The following RADIL variants were observed in gnomAD, a reference collection of about 807,000 sequenced individuals.
The protein encoded by RADIL is Rap associating with DIL domain, also known as ras-associating and dilute domain-containing protein.
RADIL carries 99 observed loss-of-function variants against 97.6 expected under a neutral mutation model. The observed-to-expected ratio is 1.01, with a 90% CI of 0.86 to 1.20. The LOEUF (loss-of-function observed/expected upper bound fraction) is 1.20. Ranked by LOEUF, RADIL falls within the 50% of genes most tolerant of loss-of-function variation. The pLI is 0.00. For synonymous variants in RADIL, 803 were observed against 691.8 expected (o/e 1.16, Z -2.52); for missense variants, 1,765 against 1,498.9 (o/e 1.18, Z -2.93).
In RADIL at chr7:4,817,218, A is replaced by G. The variant is rs759453924; in HGVS notation, c.1728+21T>C. ...GATCCCAGGAGCTGCCTGAGTGCAG[A>G]AGCAGAGCCCGTCCGTGCACCTTGG... On this transcript the variant is annotated intron_variant, in intron 7 of 14. Coordinates refer to ENST00000399583, the MANE Select transcript of RADIL (RefSeq NM_018059.5). The surrounding 1 kb of genome is among the most constrained non-coding windows in gnomAD (Gnocchi z 8.3). The G allele has an allele frequency of 2.5e-6, 4 of 1,595,310 alleles. No homozygotes were observed. The Admixed American group carries it at 6.8e-5, about 27-fold the overall frequency.
rs146581667 is a variant in RADIL at position 4,840,852 on chromosome 7, G to A, written c.536-4247C>T. ...CGTGGAGGTGGGCGCCTGTAGTCCC[G>A]GCTACTCGAGAGGCTGAGGCAGGAG... is the stretch of plus-strand genomic sequence containing the variant. On this transcript the variant is annotated intron_variant, in intron 2 of 14. Coordinates refer to ENST00000399583, the MANE Select transcript of RADIL (RefSeq NM_018059.5). The surrounding 1 kb of genome is among the most constrained non-coding windows in gnomAD (Gnocchi z 5.6). Among the ~76,000 whole-genome samples, 3,070 of 152,110 alleles carry A rather than the reference G, an allele frequency of 0.02. 37 individuals carry two copies. The highest frequency in any genetic ancestry group is 0.027 in the Middle Eastern group (8 of 294).
chr7:4,808,743 T>A, intron 9 of RADIL: 1 of 923,308 alleles, frequency 1.1e-6, no homozygotes, highest in Non-Finnish European at 1.2e-6. Context: ...CCTCCGCGTC[T>A]CCTTCCAACG....
chr7:4,827,468 T>C (rs1260245847), intron 5 of RADIL, among the ~76,000 whole-genome samples: 2 of 151,148 alleles, frequency 1.3e-5, no homozygotes, highest in African/African-American at 4.9e-5. Flanking sequence ...AAGACCATCC[T>C]GGCTAACACA....
rs960868192 is a variant in RADIL, at chr7:4,873,751, G to C, written c.535+3854C>G. 6.6e-6 allele frequency among the ~76,000 whole-genome samples: 1 copy of C among 152,252 alleles called. No individual in the cohort carries two copies. Among genetic ancestry groups the C allele is most frequent in the African/African-American group, 2.4e-5 (1 of 41,468 alleles). ...CACAGCAGCCCCATCGGTGCCCAGG[G>C]AGGCGCAGGACAGGCGGGCTGCTGG... is the stretch of plus-strand genomic sequence containing the variant. On this transcript the variant is annotated intron_variant, in intron 2 of 14. Coordinates refer to ENST00000399583, the MANE Select transcript of RADIL (RefSeq NM_018059.5). The surrounding 1 kb of genome is among the most constrained non-coding windows in gnomAD (Gnocchi z 4.3).
At chr7:4,809,690 T>C in intron 9 of RADIL, 2 of 936,116 alleles carry the variant, frequency 2.1e-6, no homozygotes, top group Non-Finnish European at 2.5e-6. Flanking sequence ...TTTATTTAAT[T>C]GATTTATTTA....
At position 4,797,173 on chromosome 7, in the gene RADIL, G is replaced by A. The variant is rs1583250317; in HGVS notation, c.*2205C>T. On this transcript the variant is annotated 3_prime_UTR_variant, in exon 15 of 15. Transcript: ENST00000399583. ...CTGGAAGCTCAGCAAGACCAGAACA[G>A]CCAGTGGCAGCCCTCACCAGTCCCG... 1.3e-5 allele frequency: 2 copies of A among 152,264 alleles called. No homozygotes were observed. The highest frequency in any genetic ancestry group is 2.9e-5 in the Non-Finnish European group (2 of 68,064). The allele number at this position is 152,264 out of a possible 1,614,324, so 9.4% of individuals were successfully genotyped here.
At chr7:4,874,140 C>G (rs1307429168) in intron 2 of RADIL, among the ~76,000 whole-genome samples, 1 of 152,244 alleles carries the variant, frequency 6.6e-6, no homozygotes, top group African/African-American at 2.4e-5. Flanking sequence ...GCCTCCAACC[C>G]ACGGAAAGGC....
rs763372778 is a variant in RADIL, at chr7:4,815,443, G to A, written c.1974C>T (p.Ser658=). The change falls in exon 9 of 15, where the codon TCC becomes TCT. Residue 658 remains serine, a synonymous_variant. Transcript: ENST00000399583. This position sits in a 1 kb window ranked among gnomAD's most constrained non-coding sequence, Gnocchi z 8.0. ...CTCTGGGCCAGTGGAAGCAGCTCAG[G>A]GAGGGGCCTGTGGAGGGAAGAAGGG... ...LLNQLLDRGP[S]LSCFHWPRGV... The A allele has an allele frequency of 4.9e-5, 75 of 1,522,086 alleles. No individual in the cohort carries two copies. In the Admixed American group the frequency reaches 1.6e-3, roughly 33 times the overall value. The allele number at this position is 1,522,086 out of a possible 1,614,324, so 94.3% of individuals were successfully genotyped here. A position where few individuals can be genotyped will look rare whatever the true frequency, so the allele number is the denominator to read the frequency against.
At chr7:4,881,041 A>G (rs1784472875) in intron 1 of RADIL, among the ~76,000 whole-genome samples, 1 of 142,860 alleles carries the variant, frequency 7.0e-6, no homozygotes, top group South Asian at 2.3e-4. Context: ...TCCAGGCTAC[A>G]GTGAGCTATG....
rs1181320143 is a variant in RADIL, at chr7:4,801,639, C to G, written c.2842+14G>C. The G allele has an allele frequency of 6.3e-7, 1 of 1,582,788 alleles. No individual in the cohort carries two copies. The highest frequency in any genetic ancestry group is 1.8e-5 in the Admixed American group (1 of 56,004). ...CTGGGGTGGGTTCCCGCCTGAGCAC[C>G]AGGCAGGGCTCACCTTCCGGAGCTG... On this transcript the variant is annotated intron_variant, in intron 12 of 14. Coordinates refer to ENST00000399583, the MANE Select transcript of RADIL (RefSeq NM_018059.5).
chr7:4,872,104 G>A lies in RADIL; in HGVS notation c.535+5501C>T, dbSNP rs946931827. ...AATGTCGCCACTGTGGATCAGGCCT[G>A]AGGGCCTGGGGCAGGTACTCAGCCA... On this transcript the variant is annotated intron_variant, in intron 2 of 14. Transcript: ENST00000399583. The surrounding 1 kb of genome is among the most constrained non-coding windows in gnomAD (Gnocchi z 5.8). Among the ~76,000 whole-genome samples the A allele has an allele frequency of 1.3e-5, 2 of 152,142 alleles. No individual in the cohort carries two copies. The highest frequency in any genetic ancestry group is 2.9e-5 in the Non-Finnish European group (2 of 68,020).
intron 2 of RADIL, chr7:4,860,725 G>C: frequency 6.2e-7 from 1 of 1,614,118 alleles, no homozygotes. Context: ...GAGCTTCAAA[G>C]AGTTTGGACC....
intron 10 of RADIL, chr7:4,805,307 T>A: frequency 2.3e-6 from 1 of 428,816 alleles, no homozygotes; most frequent in Non-Finnish European, 4.1e-6. Flanking sequence ...CGAGGGGGCC[T>A]TGGACCTGAG....
rs776753560 is a variant in RADIL, at chr7:4,803,680, C to G, written c.2365G>C (p.Ala789Pro). Reference protein sequence around the residue: ...PSDGFQVDLEANCLDDSIYQH... With the variant: ...PSDGFQVDLEPNCLDDSIYQH... The stretch of plus-strand genomic sequence containing the variant: ...TAGATGCTGTCGTCCAGGCAGTTGG[C>G]TTCCAAGTCCACCTGGAAGCCGTCG... The change falls in exon 11 of 15, where the codon GCC (alanine) becomes CCC (proline). Residue 789 changes from alanine (A) to proline (P), a missense_variant. Physicochemically the swap from Ala to Pro is conservative, Grantham distance 27. Coordinates refer to ENST00000399583, the MANE Select transcript of RADIL (RefSeq NM_018059.5). 37 of 1,557,870 alleles carry G rather than the reference C, an allele frequency of 2.4e-5. No individual in the cohort carries two copies. In the South Asian group the frequency reaches 4.0e-4, roughly 17 times the overall value.
Position 4,799,781 on chromosome 7 carries a change from C to CA in RADIL, c.2983-13dup, listed in dbSNP as rs1293319232. ...CCCAGGTGCGTGTGCTGGGGACAAG[C>CA]AGAGGCCTCAGAGCTCCGCAGGCCC... is the stretch of plus-strand genomic sequence containing the variant. On this transcript the variant is annotated splice_polypyrimidine_tract_variant and intron_variant, in intron 13 of 14. Coordinates refer to ENST00000399583, the MANE Select transcript of RADIL (RefSeq NM_018059.5). 1.7e-5 allele frequency: 26 copies of CA among 1,507,882 alleles called. No homozygotes were observed. The East Asian group carries it at 5.9e-4, about 34-fold the overall frequency. 93.4% of individuals were successfully genotyped at this position (1,507,882 alleles called of 1,614,324 possible). A position where few individuals can be genotyped will look rare whatever the true frequency, so the allele number is the denominator to read the frequency against.
rs1273009527 is a variant in RADIL at position 4,879,860 on chromosome 7, C to T, written c.-64-1657G>A. Among the ~76,000 whole-genome samples, 4 of 152,176 alleles carry T rather than the reference C, an allele frequency of 2.6e-5. No homozygotes were observed. The highest frequency in any genetic ancestry group is 3.9e-4 in the East Asian group (2 of 5,190). ...ATCTTCTCTGGAGCCTCTCACTGCC[C>T]GCCAGAGCTGTCATGGGTGAGTCCT... On this transcript the variant is annotated intron_variant, in intron 1 of 14. Coordinates refer to ENST00000399583, the MANE Select transcript of RADIL (RefSeq NM_018059.5). This position sits in a 1 kb window ranked among gnomAD's most constrained non-coding sequence, Gnocchi z 4.1.
At chr7:4,823,276 CAAAACGCCGTCTCT>C (rs1439646312) in intron 5 of RADIL, among the ~76,000 whole-genome samples, 2 of 150,528 alleles carry the variant, frequency 1.3e-5, no homozygotes, top group African/African-American at 4.9e-5. Flanking sequence ...GCCAACATGG[CAAAACGCCGTCTCT>C]ACTAAAAATA....
intron 5 of RADIL, 48 bp downstream of exon 5, chr7:4,832,093 C>T (rs1466048693): frequency 6.2e-7 from 1 of 1,602,646 alleles, no homozygotes; most frequent in South Asian, 1.1e-5. Flanking sequence ...GTGTGAGCCC[C>T]CAGGACCTGC....
At chr7:4,808,754 C>T in intron 9 of RADIL, 2 of 974,626 alleles carry the variant, frequency 2.1e-6, no homozygotes, top group Non-Finnish European at 2.4e-6. Context: ...CCTTCCAACG[C>T]CACTGCCCCC....
Sources: allele counts gnomAD v4.1 joint callset (sites outside exome capture counted in the v4.1 genomes callset), GRCh38; gene constraint gnomAD v4.1.1; non-coding constraint Gnocchi (gnomAD v3.1); transcripts MANE v1.5; gene names NCBI Gene and HGNC (gene_info 2026-07-23, HGNC 2026-07-21).